The following SLC35F1 variants were observed in gnomAD, a reference collection of about 807,000 sequenced individuals.
The protein encoded by SLC35F1 is chromosome 6 open reading frame 169.
In SLC35F1, 14 loss-of-function variants were observed where a neutral mutation model predicts 48.7. The ratio of observed to expected loss-of-function variants is 0.29; its 90% CI spans 0.19 to 0.45. The LOEUF (loss-of-function observed/expected upper bound fraction) is 0.45. Ranked by LOEUF, SLC35F1 falls within the 20% of genes least tolerant of loss-of-function variation. The pLI is 1.00. For missense variants in SLC35F1, 404 were observed against 500.0 expected, an observed-to-expected ratio of 0.81 and a Z score of 1.83; for synonymous variants, 190 against 202.2, an observed-to-expected ratio of 0.94 and a Z score of 0.51.
chr6:117,918,150 G>A (rs1226683887), intron 1 of SLC35F1, among the ~76,000 whole-genome samples: 1 of 152,122 alleles, frequency 6.6e-6, no homozygotes, highest in Admixed American at 6.5e-5. Context: ...GGGAATGTGA[G>A]GTGGAGGTGT....
chr6:117,984,415 C>G (rs1013529846), intron 1 of SLC35F1, among the ~76,000 whole-genome samples: 1 of 148,432 alleles, frequency 6.7e-6, no homozygotes, highest in African/African-American at 2.5e-5. Flanking sequence ...AGGAGAATGG[C>G]GTGAACCTCG....
chr6:118,053,572 C>T (rs1772420995), intron 1 of SLC35F1, among the ~76,000 whole-genome samples: 1 of 152,102 alleles, frequency 6.6e-6, no homozygotes, highest in South Asian at 2.1e-4. Context: ...GTTTATTTCA[C>T]CAATTATAAT....
At chr6:117,918,799 G>A (rs1273915942) in intron 1 of SLC35F1, among the ~76,000 whole-genome samples, 1 of 152,144 alleles carries the variant, frequency 6.6e-6, no homozygotes, top group Non-Finnish European at 1.5e-5. Context: ...GGATAGTGGG[G>A]CAGTGCATAT....
chr6:117,968,212 G>C (rs2114840984), intron 1 of SLC35F1, among the ~76,000 whole-genome samples: 1 of 152,198 alleles, frequency 6.6e-6, no homozygotes, highest in East Asian at 1.9e-4. Context: ...AGGAAAATAA[G>C]AACCTCATTT....
chr6:118,159,790 A>G (rs1442214443), intron 2 of SLC35F1, among the ~76,000 whole-genome samples: 1 of 152,196 alleles, frequency 6.6e-6, no homozygotes, highest in Non-Finnish European at 1.5e-5. Context: ...CTTTTTGCCC[A>G]TAAGTTTCTC....
At chr6:118,150,216 TG>T (rs1174808169) in intron 1 of SLC35F1, among the ~76,000 whole-genome samples, 1 of 152,080 alleles carries the variant, frequency 6.6e-6, no homozygotes, top group African/African-American at 2.4e-5. Flanking sequence ...GCTCATGGCT[TG>T]GCACATAGTA....
At chr6:118,039,796 A>ATTTTTT (rs1312799873) in intron 1 of SLC35F1, among the ~76,000 whole-genome samples, 1 of 55,926 alleles carries the variant, frequency 1.8e-5, no homozygotes, top group African/African-American at 4.6e-5. Flanking sequence ...GCATCTCAGG[A>ATTTTTT]TTGTTTTTTT....
At chr6:117,969,607 C>T (rs1033350177) in intron 1 of SLC35F1, among the ~76,000 whole-genome samples, 1 of 152,116 alleles carries the variant, frequency 6.6e-6, no homozygotes, top group African/African-American at 2.4e-5. Context: ...CCTAGCTACT[C>T]TGGAGGGTGA....
chr6:118,096,242 A>G (rs1333455030), intron 1 of SLC35F1, among the ~76,000 whole-genome samples: 1 of 152,222 alleles, frequency 6.6e-6, no homozygotes, highest in African/African-American at 2.4e-5. Flanking sequence ...ACATTTGAGG[A>G]ATATGGACAC....
Position 118,013,231 on chromosome 6 carries a change from C to T in SLC35F1, c.173+105332C>T, listed in dbSNP as rs1777274793. Among the ~76,000 whole-genome samples, 4 of 152,130 alleles carry T rather than the reference C, an allele frequency of 2.6e-5. 1 individual carries two copies. The South Asian group carries it at 8.3e-4, about 32-fold the overall frequency. Reference sequence around the variant, plus strand: ...TTTAGCCTGATGTGATGAGCTCACCCCAGTGCCCATGTGGGGACTTTGAAG... The same window carrying T: ...TTTAGCCTGATGTGATGAGCTCACCTCAGTGCCCATGTGGGGACTTTGAAG... On this transcript the variant is annotated intron_variant, in intron 1 of 7. Coordinates refer to ENST00000360388, the MANE Select transcript of SLC35F1 (RefSeq NM_001029858.4).
chr6:118,072,859 T>G (rs534867163), intron 1 of SLC35F1, among the ~76,000 whole-genome samples: 7 of 152,156 alleles, frequency 4.6e-5, no homozygotes, highest in South Asian at 2.1e-4. Flanking sequence ...GACTGTTCAG[T>G]TTTTTCTTCA....
At chr6:118,055,411 C>G (rs1772450107) in intron 1 of SLC35F1, among the ~76,000 whole-genome samples, 1 of 152,132 alleles carries the variant, frequency 6.6e-6, no homozygotes, top group Admixed American at 6.5e-5. Context: ...GTATCATGAG[C>G]ATTTGGAAGA....
intron 1 of SLC35F1, among the ~76,000 whole-genome samples, chr6:118,061,926 C>T (rs1772547006): frequency 6.6e-6 from 1 of 152,168 alleles, no homozygotes; most frequent in East Asian, 1.9e-4. Context: ...GCCTGCCGCT[C>T]ACCTCCTGCT....
chr6:118,289,156 C>T lies in SLC35F1; in HGVS notation c.1002+3818C>T, dbSNP rs539808252. Among the ~76,000 whole-genome samples the T allele has an allele frequency of 5.9e-5, 9 of 152,322 alleles. No individual in the cohort carries two copies. In the East Asian group the frequency reaches 1.7e-3, roughly 29 times the overall value. On this transcript the variant is annotated intron_variant, in intron 7 of 7. Transcript: ENST00000360388. ...CAGCATAATTCTCTGAAGATTCACT[C>T]AGGTTGTTGCATACATCAGTAGTTT... is the stretch of plus-strand genomic sequence containing the variant.
At chr6:118,034,885 G>A (rs1225918883) in intron 1 of SLC35F1, among the ~76,000 whole-genome samples, 1 of 152,006 alleles carries the variant, frequency 6.6e-6, no homozygotes, top group Non-Finnish European at 1.5e-5. Context: ...TTTTGATGTT[G>A]GGTTATACTG....
chr6:118,193,889 T>C (rs746962592), intron 2 of SLC35F1, among the ~76,000 whole-genome samples: 8 of 152,226 alleles, frequency 5.3e-5, no homozygotes, highest in Non-Finnish European at 1.2e-4. Context: ...ACCTAATATC[T>C]GACCTAATTT....
At chr6:118,115,956 G>A (rs140988685) in intron 1 of SLC35F1, among the ~76,000 whole-genome samples, 1 of 152,232 alleles carries the variant, frequency 6.6e-6, no homozygotes, top group African/African-American at 2.4e-5. Context: ...TTCAATATGT[G>A]TTTCTTTTTT....
chr6:117,980,741 C>T (rs905558777), intron 1 of SLC35F1, among the ~76,000 whole-genome samples: 2 of 152,092 alleles, frequency 1.3e-5, no homozygotes, highest in Admixed American at 1.3e-4. Context: ...ACTGAAGAGT[C>T]TGTGAAAGAG....
intron 1 of SLC35F1, among the ~76,000 whole-genome samples, chr6:118,015,112 C>T (rs146639276): frequency 9.8e-5 from 15 of 152,298 alleles, no homozygotes; most frequent in East Asian, 9.7e-4. Flanking sequence ...CCTGTTGCCA[C>T]GTAAGACATG....
Sources: allele counts gnomAD v4.1 joint callset (sites outside exome capture counted in the v4.1 genomes callset), GRCh38; gene constraint gnomAD v4.1.1; transcripts MANE v1.5; gene names NCBI Gene and HGNC (gene_info 2026-07-23, HGNC 2026-07-21).